HSF1: variants seen among roughly 807,000 people sequenced by gnomAD.
HSF1 encodes heat shock transcription factor 1, also known as heat shock factor protein 1.
A neutral mutation model predicts 51.7 loss-of-function variants in HSF1; 32 were observed. That is an observed-to-expected ratio of 0.62 (90% confidence interval 0.47 to 0.83). The LOEUF (loss-of-function observed/expected upper bound fraction) is 0.83. Among genes scored for constraint, HSF1 ranks in the 40% least tolerant of loss-of-function variants. The probability of loss-of-function intolerance (pLI) is 0.00; values close to 1 mark genes in which losing one functional copy is unlikely to be tolerated. For synonymous variants in HSF1, 396 were observed against 309.7 expected, an observed-to-expected ratio of 1.28 and a Z score of -2.92; for missense variants, 727 against 717.0, an observed-to-expected ratio of 1.01 and a Z score of -0.16.
chr8:144,308,329 C>T (rs1352373025), intron 1 of HSF1, among the ~76,000 whole-genome samples: 1 of 152,192 alleles, frequency 6.6e-6, no homozygotes, highest in Non-Finnish European at 1.5e-5. Flanking sequence ...GGCCTGAGCT[C>T]GGTAGAGAAA....
At position 144,314,468 on chromosome 8, in the gene HSF1, C is replaced by G. The variant is rs927010319; in HGVS notation, c.*138C>G. ...CCCAGTAGGACAAACGGGCTCGGGT[C>G]TGGGCAGCACCTCTGGTCAGGAGGG... On this transcript the variant is annotated 3_prime_UTR_variant, in exon 13 of 13. Coordinates refer to ENST00000528838, the MANE Select transcript of HSF1 (RefSeq NM_005526.4). 5.5e-5 allele frequency: 38 copies of G among 693,456 alleles called. No individual in the cohort carries two copies. In the East Asian group the frequency reaches 8.5e-4, roughly 15 times the overall value. 43.0% of individuals were successfully genotyped at this position (693,456 alleles called of 1,614,324 possible).
chr8:144,311,595 C>T lies in HSF1; in HGVS notation c.717C>T (p.Pro239=). ...FSLEHVHGSG[P]YSAPSPAYSS... is the part of the protein sequence containing the mutation. ...TGGAGCACGTCCACGGCTCGGGCCC[C>T]TACTCGGTGAGTGCCGGAGACAGGG... The change falls in exon 7 of 13, where the codon CCC becomes CCT. Residue 239 remains proline, a synonymous_variant. Coordinates refer to ENST00000528838, the MANE Select transcript of HSF1 (RefSeq NM_005526.4). 3 of 1,613,432 alleles carry T rather than the reference C, an allele frequency of 1.9e-6. No individual in the cohort carries two copies. Among genetic ancestry groups the T allele is most frequent in the Non-Finnish European group, 2.5e-6 (3 of 1,179,962 alleles).
In HSF1 at chr8:144,314,337, C is replaced by A; in HGVS notation, c.*7C>A. The A allele has an allele frequency of 6.5e-7, 1 of 1,544,020 alleles. No homozygotes were observed. The highest frequency in any genetic ancestry group is 8.8e-7 in the Non-Finnish European group (1 of 1,141,796). Reference sequence around the variant, plus strand: ...GGACCCCACTGTCTCCTAGAGGCCCCGGAGGAGCTGGGCCAGCCGCCCACC... The same window carrying A: ...GGACCCCACTGTCTCCTAGAGGCCCAGGAGGAGCTGGGCCAGCCGCCCACC... On this transcript the variant is annotated 3_prime_UTR_variant, in exon 13 of 13. Transcript: ENST00000528838.
intron 12 of HSF1, 28 bp from the exon 13 acceptor site, chr8:144,314,097 C>G (rs782538619): frequency 1.3e-6 from 2 of 1,533,472 alleles, no homozygotes; most frequent in South Asian, 2.4e-5. Flanking sequence ...CCCAACCCCC[C>G]ACCGCCTTGA....
intron 9 of HSF1, 132 bp from the exon 10 acceptor site, chr8:144,313,379 C>T (rs1036685438): frequency 7.8e-6 from 5 of 642,932 alleles, no homozygotes; most frequent in Admixed American, 5.0e-5. Context: ...TGCGCTGCCC[C>T]CTCCAGCCTG....
chr8:144,312,358 C>A, intron 9 of HSF1, 114 bp downstream of exon 9: 3 of 854,928 alleles, frequency 3.5e-6, no homozygotes, highest in Admixed American at 2.6e-5. Flanking sequence ...AGGACCCTAC[C>A]CCCAACCTCG....
intron 1 of HSF1, among the ~76,000 whole-genome samples, chr8:144,306,551 C>T (rs1336915119): frequency 3.9e-5 from 6 of 152,058 alleles, no homozygotes; most frequent in African/African-American, 1.4e-4. Flanking sequence ...CTTCTAGAGA[C>T]GGGGTTTTGC....
rs1554844546 is a variant in HSF1 at position 144,311,572 on chromosome 8, G to A, written c.694G>A (p.Glu232Lys). 6.2e-7 allele frequency: 1 copy of A among 1,613,674 alleles called. No individual in the cohort carries two copies. Among genetic ancestry groups the A allele is most frequent in the South Asian group, 1.1e-5 (1 of 91,082 alleles). The part of the protein sequence containing the change: ...MPKYSRQFSL[E>K]HVHGSGPYSA... Reference sequence around the variant, plus strand: ...CAAGTATAGCCGGCAGTTCTCCCTGGAGCACGTCCACGGCTCGGGCCCCTA... The same window carrying A: ...CAAGTATAGCCGGCAGTTCTCCCTGAAGCACGTCCACGGCTCGGGCCCCTA... Residue 232 changes from glutamate (E) to lysine (K), a missense_variant, in exon 7 of 13, where the codon GAG becomes AAG. Glu to Lys is a moderately conservative substitution (Grantham distance 56). This residue lies in a region of HSF1 where 257 missense variants were observed against 318.3 expected (regional missense o/e 0.81). Coordinates refer to ENST00000528838, the MANE Select transcript of HSF1 (RefSeq NM_005526.4).
In HSF1 at chr8:144,291,987, G is replaced by T. The variant is rs141010765; in HGVS notation, c.117+113G>T. On this transcript the variant is annotated intron_variant, in intron 1 of 12. Coordinates refer to ENST00000528838, the MANE Select transcript of HSF1 (RefSeq NM_005526.4). This position sits in a 1 kb window ranked among gnomAD's most constrained non-coding sequence, Gnocchi z 4.1. ...CCCTGCCGCACTTCAGCTTACGCGCGGTGAGCCTGCCCTGCCCCCGCCAGA... is the reference window on the plus strand; with the variant it reads ...CCCTGCCGCACTTCAGCTTACGCGCTGTGAGCCTGCCCTGCCCCCGCCAGA... 3.2e-3 allele frequency: 1,657 copies of T among 517,388 alleles called. 9 individuals carry two copies. Among genetic ancestry groups the T allele is most frequent in the Middle Eastern group, 5.1e-3 (10 of 1,954 alleles). The allele number at this position is 517,388 out of a possible 1,614,324, so 32.0% of individuals were successfully genotyped here. A position where few individuals can be genotyped will look rare whatever the true frequency, so the allele number is the denominator to read the frequency against.
rs370389379 is a variant in HSF1, at chr8:144,310,839, G to C, written c.489-335G>C. On this transcript the variant is annotated intron_variant, in intron 4 of 12. Transcript: ENST00000528838. ...TGGCTGCTCAGGCCTTGGAAGGGCG[G>C]CCCAAGGGTCTGCTCCTGGCCTGTG... 28 of 383,420 alleles carry C rather than the reference G, an allele frequency of 7.3e-5. 1 individual carries two copies. The highest frequency in any genetic ancestry group is 5.5e-4 in the African/African-American group (27 of 48,958). 23.8% of individuals were successfully genotyped at this position (383,420 alleles called of 1,614,324 possible). A position where few individuals can be genotyped will look rare whatever the true frequency, so the allele number is the denominator to read the frequency against.
At chr8:144,304,718 C>G (rs1254494860) in intron 1 of HSF1, among the ~76,000 whole-genome samples, 1 of 152,184 alleles carries the variant, frequency 6.6e-6, no homozygotes, top group Admixed American at 6.6e-5. Flanking sequence ...ACGATCTGTG[C>G]TCACTACAAC....
At position 144,314,254 on chromosome 8, in the gene HSF1, G is replaced by A; in HGVS notation, c.1514G>A (p.Gly505Asp). The A allele has an allele frequency of 6.4e-7, 1 of 1,550,610 alleles. No homozygotes were observed. The highest frequency in any genetic ancestry group is 8.7e-7 in the Non-Finnish European group (1 of 1,147,082). Residue 505 changes from glycine (G) to aspartate (D), a missense_variant, in exon 13 of 13, where the codon GGC (glycine) becomes GAC (aspartate). Around this residue, in one of 2 missense-constraint regions of HSF1, gnomAD observed 470 missense variants for 398.8 expected, o/e 1.18. Coordinates refer to ENST00000528838, the MANE Select transcript of HSF1 (RefSeq NM_005526.4). ...GEGSYFSEGD[G>D]FAEDPTISLL... ...GGCTCCTACTTCTCCGAAGGGGACG[G>A]CTTCGCCGAGGACCCCACCATCTCC...
intron 4 of HSF1, 126 bp from the exon 5 acceptor site, chr8:144,311,048 G>A: frequency 1.2e-6 from 1 of 841,804 alleles, no homozygotes; most frequent in Non-Finnish European, 1.8e-6. Flanking sequence ...ATCCTGGGGT[G>A]GGCCAGGCCA....
chr8:144,310,003 A>C, intron 4 of HSF1, 107 bp downstream of exon 4: 1 of 1,331,680 alleles, frequency 7.5e-7, no homozygotes, highest in Admixed American at 2.3e-5. Flanking sequence ...GCTCAGCTCC[A>C]CCCTCCCGCT....
At chr8:144,298,935 TCA>T (rs1275998645) in intron 1 of HSF1, among the ~76,000 whole-genome samples, 1 of 152,168 alleles carries the variant, frequency 6.6e-6, no homozygotes, top group Non-Finnish European at 1.5e-5. Context: ...TGAGCAGGAC[TCA>T]CACAGGGCCG....
At chr8:144,312,949 G>A in intron 9 of HSF1, 1 of 578,282 alleles carries the variant, frequency 1.7e-6, no homozygotes, top group South Asian at 2.0e-5. Context: ...ACGGCCTCTG[G>A]TGTTGGCAGG....
chr8:144,303,436 C>T (rs751077979), intron 1 of HSF1, among the ~76,000 whole-genome samples: 6 of 152,012 alleles, frequency 3.9e-5, no homozygotes, highest in Non-Finnish European at 5.9e-5. Flanking sequence ...TCCTTATGGA[C>T]GGCCTCTCTC....
At chr8:144,301,223 A>AGCCTGGGCAACATAGCAAGACCC (rs1554842208) in intron 1 of HSF1, among the ~76,000 whole-genome samples, 1 of 151,998 alleles carries the variant, frequency 6.6e-6, no homozygotes, top group East Asian at 1.9e-4. Context: ...GTTCAAGACC[A>AGCCTGGGCAACATAGCAAGACCC]GCCTGGGCAA....
At chr8:144,305,993 A>T (rs1446431893) in intron 1 of HSF1, among the ~76,000 whole-genome samples, 1 of 151,764 alleles carries the variant, frequency 6.6e-6, no homozygotes, top group East Asian at 1.9e-4. Flanking sequence ...TGGCCTCCCA[A>T]ACTGCTGGGA....
Sources: allele counts gnomAD v4.1 joint callset (sites outside exome capture counted in the v4.1 genomes callset), GRCh38; gene constraint gnomAD v4.1.1; regional missense constraint gnomAD v4.1.1; non-coding constraint Gnocchi (gnomAD v3.1); transcripts MANE v1.5; gene names NCBI Gene and HGNC (gene_info 2026-07-23, HGNC 2026-07-21).